The following ZNF804A variants were observed in gnomAD, a reference collection of about 807,000 sequenced individuals.
The protein encoded by ZNF804A is zinc finger protein 804A.
Under a neutral mutation model 16.5 loss-of-function variants are expected in ZNF804A, and 2 were observed. The ratio of observed to expected loss-of-function variants is 0.12; its 90% confidence interval spans 0.05 to 0.38. The LOEUF (loss-of-function observed/expected upper bound fraction) is 0.38, where lower values mean the gene tolerates loss of function less well. Among genes scored for constraint, ZNF804A ranks in the 10% least tolerant of loss-of-function variants. The pLI, the probability that ZNF804A is intolerant of heterozygous loss-of-function variation, is 0.99. For missense variants in ZNF804A, 1,473 were observed against 1,390.7 expected, an observed-to-expected ratio of 1.06 and a Z score of -0.94; for synonymous variants, 534 against 489.6, an observed-to-expected ratio of 1.09 and a Z score of -1.20.
chr2:184,635,054 C>T (rs944363556), intron 1 of ZNF804A, among the ~76,000 whole-genome samples: 1 of 151,858 alleles, frequency 6.6e-6, no homozygotes, highest in Admixed American at 6.6e-5. Context: ...AGAATTTTTC[C>T]TTTTAAAATA....
intron 2 of ZNF804A, among the ~76,000 whole-genome samples, chr2:184,877,727 GT>G (rs1395334136): frequency 6.6e-6 from 1 of 151,970 alleles, no homozygotes; most frequent in East Asian, 1.9e-4. Flanking sequence ...GAAAATTATA[GT>G]TTGAGGCCAA....
chr2:184,937,658 TAA>T lies in ZNF804A; in HGVS notation c.2265_2266del (p.Gly757LeufsTer7). 1 of 1,614,030 alleles carries T rather than the reference TAA, an allele frequency of 6.2e-7. No homozygotes were observed. Among genetic ancestry groups the T allele is most frequent in the Non-Finnish European group, 8.5e-7 (1 of 1,179,966 alleles). On this transcript the variant is annotated frameshift_variant, in exon 4 of 4. Transcript: ENST00000302277. LOFTEE classifies it low-confidence loss of function (END_TRUNC). ...MKHMSQNQAV[K>X]RGYNSVMNES... is the part of the protein sequence containing the mutation. ...AACACATGAGTCAGAATCAGGCTGT[TAA>T]AAGAGGTTACAATTCTGTCATGAAT... is the stretch of plus-strand genomic sequence containing the variant.
intron 1 of ZNF804A, among the ~76,000 whole-genome samples, chr2:184,624,451 A>G (rs886579392): frequency 6.6e-6 from 1 of 152,186 alleles, no homozygotes; most frequent in Non-Finnish European, 1.5e-5. Flanking sequence ...GCATGTCTGC[A>G]TGTGAGGGAT....
At chr2:184,914,317 G>A (rs959508496) in intron 2 of ZNF804A, among the ~76,000 whole-genome samples, 12 of 152,268 alleles carry the variant, frequency 7.9e-5, no homozygotes, top group Non-Finnish European at 1.8e-4. Context: ...AGAGAGATGA[G>A]ATAATGTGGG....
chr2:184,881,664 T>G (rs997345230), intron 2 of ZNF804A, among the ~76,000 whole-genome samples: 1 of 151,994 alleles, frequency 6.6e-6, no homozygotes, highest in Non-Finnish European at 1.5e-5. Context: ...TTTTCTTTAT[T>G]AGTCTAGCTA....
chr2:184,869,626 AT>A (rs1029293336), intron 2 of ZNF804A, among the ~76,000 whole-genome samples: 1 of 151,870 alleles, frequency 6.6e-6, no homozygotes, highest in East Asian at 1.9e-4. Context: ...TACTTACTAA[AT>A]TTTTTTTCTC....
chr2:184,663,170 C>T (rs905289000), intron 1 of ZNF804A, among the ~76,000 whole-genome samples: 9 of 152,194 alleles, frequency 5.9e-5, no homozygotes, highest in African/African-American at 2.2e-4. Flanking sequence ...CCAGCCATGG[C>T]TGTGGACCTG....
At chr2:184,664,580 A>C (rs1692226860) in intron 1 of ZNF804A, among the ~76,000 whole-genome samples, 1 of 152,110 alleles carries the variant, frequency 6.6e-6, no homozygotes, top group Non-Finnish European at 1.5e-5. Flanking sequence ...GATTATTTTA[A>C]GGAGAAATTT....
chr2:184,615,051 A>T (rs897234691), intron 1 of ZNF804A, among the ~76,000 whole-genome samples: 1 of 152,216 alleles, frequency 6.6e-6, no homozygotes, highest in African/African-American at 2.4e-5. Context: ...TACCCAAAGG[A>T]TTATAAATCA....
intron 1 of ZNF804A, among the ~76,000 whole-genome samples, chr2:184,688,276 G>A (rs1692670683): frequency 6.6e-6 from 1 of 151,928 alleles, no homozygotes; most frequent in East Asian, 1.9e-4. Context: ...TTAGGATACT[G>A]GGCAGGATTT....
chr2:184,922,086 C>T (rs546121712), intron 2 of ZNF804A, among the ~76,000 whole-genome samples: 2 of 152,202 alleles, frequency 1.3e-5, no homozygotes, highest in East Asian at 3.9e-4. Context: ...CATGAGTGCA[C>T]AGATATGTCT....
chr2:184,653,413 T>C (rs1692020751), intron 1 of ZNF804A, among the ~76,000 whole-genome samples: 1 of 152,146 alleles, frequency 6.6e-6, no homozygotes, highest in African/African-American at 2.4e-5. Context: ...ACATCAGTTC[T>C]CGCCTCCTCA....
chr2:184,690,191 G>GAA (rs11447687), intron 1 of ZNF804A, among the ~76,000 whole-genome samples: 78 of 137,806 alleles, frequency 5.7e-4, no homozygotes, highest in African/African-American at 9.6e-4. Context: ...AAAGTCTCAG[G>GAA]AAAAAAAAAA....
At chr2:184,661,579 C>T (rs1435005722) in intron 1 of ZNF804A, among the ~76,000 whole-genome samples, 1 of 152,096 alleles carries the variant, frequency 6.6e-6, no homozygotes, top group Non-Finnish European at 1.5e-5. Flanking sequence ...ACTGGTCCAG[C>T]AGTAGGCTTG....
rs1176972548 is a variant in ZNF804A, at chr2:184,762,206, CT to C, written c.112-104159del. On this transcript the variant is annotated intron_variant, in intron 1 of 3. Transcript: ENST00000302277. Reference sequence around the variant, plus strand: ...TGAAATGCTTTCTTTCTTTTCTTTTCTTTTCTTTTTTTTTTTTGCCTATGGT... The same window carrying C: ...TGAAATGCTTTCTTTCTTTTCTTTTCTTTCTTTTTTTTTTTTGCCTATGGT... Among the ~76,000 whole-genome samples, 3 of 52,652 alleles carry C rather than the reference CT, an allele frequency of 5.7e-5. No individual in the cohort carries two copies. The South Asian group carries it at 2.5e-3, about 44-fold the overall frequency. The allele number at this position is 52,652 out of a possible 152,430, so 34.5% of individuals were successfully genotyped here.
intron 2 of ZNF804A, among the ~76,000 whole-genome samples, chr2:184,877,867 G>GA (rs750857087): frequency 8.6e-5 from 13 of 151,940 alleles, no homozygotes; most frequent in Non-Finnish European, 1.8e-4. Context: ...AATACTTGTT[G>GA]AAAAAATAAT....
At chr2:184,801,236 A>G (rs1481973315) in intron 1 of ZNF804A, among the ~76,000 whole-genome samples, 1 of 151,896 alleles carries the variant, frequency 6.6e-6, no homozygotes, top group Non-Finnish European at 1.5e-5. Context: ...GTGTTTTTAT[A>G]TTTCTTCAGC....
chr2:184,670,228 A>G (rs1692321146), intron 1 of ZNF804A, among the ~76,000 whole-genome samples: 2 of 152,026 alleles, frequency 1.3e-5, no homozygotes, highest in Admixed American at 1.3e-4. Flanking sequence ...AATGTTATGT[A>G]CTATCAGCCC....
chr2:184,898,628 T>G (rs760621068), intron 2 of ZNF804A, among the ~76,000 whole-genome samples: 1 of 152,052 alleles, frequency 6.6e-6, no homozygotes, highest in African/African-American at 2.4e-5. Flanking sequence ...TTTGTTTATA[T>G]TTTACCTTTC....
Sources: allele counts gnomAD v4.1 joint callset (sites outside exome capture counted in the v4.1 genomes callset), GRCh38; gene constraint gnomAD v4.1.1; transcripts MANE v1.5; gene names NCBI Gene and HGNC (gene_info 2026-07-23, HGNC 2026-07-21).